Variants in CLSPN observed in about 807,000 individuals in gnomAD.
CLSPN encodes claspin homolog.
CLSPN carries 85 observed loss-of-function variants against 156.3 expected under a neutral mutation model. The ratio of observed to expected loss-of-function variants is 0.54; its 90% CI spans 0.46 to 0.65. The LOEUF (loss-of-function observed/expected upper bound fraction) is 0.65. Among genes scored for constraint, CLSPN ranks in the 30% least tolerant of loss-of-function variants. CLSPN has a pLI of 0.00. For synonymous variants in CLSPN, 534 were observed against 542.4 expected (o/e 0.98, Z 0.22); for missense variants, 1,407 against 1,554.9 (o/e 0.90, Z 1.60).
intron 3 of CLSPN, 76 bp from the exon 4 acceptor site, chr1:35,763,397 G>A (rs1014489869): frequency 2.0e-5 from 23 of 1,129,172 alleles, no homozygotes; most frequent in African/African-American, 3.2e-5. Context: ...ATGGCAATTT[G>A]GATCAGGCCA....
chr1:35,747,173 T>G (rs916826860), intron 14 of CLSPN, among the ~76,000 whole-genome samples, 181 bp from the exon 15 acceptor site: 1 of 151,894 alleles, frequency 6.6e-6, no homozygotes. Context: ...ATACAAAAAA[T>G]TAGCCGGGCG....
exon 25 of CLSPN, chr1:35,720,752 C>G (rs540785149): frequency 2.9e-4 from 160 of 546,544 alleles, no homozygotes; most frequent in African/African-American, 2.8e-3. Context: ...GGCCCAAATC[C>G]TCACTCCTAA....
chr1:35,732,149 C>A lies in CLSPN; in HGVS notation c.*4347G>T. 7.1e-6 allele frequency: 7 copies of A among 984,758 alleles called. No homozygotes were observed. Among genetic ancestry groups the A allele is most frequent in the Non-Finnish European group, 8.4e-6 (7 of 829,388 alleles). The allele number at this position is 984,758 out of a possible 1,614,324, so 61.0% of individuals were successfully genotyped here. A position where few individuals can be genotyped will look rare whatever the true frequency, so the allele number is the denominator to read the frequency against. Reference sequence around the variant, plus strand: ...TGTTATTTATTCAAACTGTGGTAGGCACCACTACATTCCAAGCTGTGTGCC... The same window carrying A: ...TGTTATTTATTCAAACTGTGGTAGGAACCACTACATTCCAAGCTGTGTGCC... On this transcript the variant is annotated 3_prime_UTR_variant, in exon 25 of 25. Coordinates refer to ENST00000318121, the MANE Select transcript of CLSPN (RefSeq NM_022111.4).
At chr1:35,753,984 CT>C in intron 8 of CLSPN, 48 bp from the exon 9 acceptor site, 1 of 1,575,604 alleles carries the variant, frequency 6.3e-7, no homozygotes, top group Non-Finnish European at 8.7e-7. Context: ...GCTCAAAACT[CT>C]TTCCTTTAAG....
chr1:35,757,795 T>G (rs550885355), intron 8 of CLSPN, among the ~76,000 whole-genome samples: 1 of 152,210 alleles, frequency 6.6e-6, no homozygotes, highest in Admixed American at 6.5e-5. Flanking sequence ...CTCTGCCACC[T>G]GAACCTCCAG....
chr1:35,730,847 G>A (rs1215517934), downstream of CLSPN, among the ~76,000 whole-genome samples: 2 of 152,060 alleles, frequency 1.3e-5, no homozygotes, highest in Non-Finnish European at 2.9e-5. Flanking sequence ...CGGGGCGACA[G>A]AGCGAGAATC....
chr1:35,730,983 C>T (rs1468156339), downstream of CLSPN, among the ~76,000 whole-genome samples: 4 of 152,124 alleles, frequency 2.6e-5, no homozygotes, highest in South Asian at 2.1e-4. Context: ...GGGCGGATCA[C>T]GAGGTCAAGA....
intron 21 of CLSPN, 115 bp from the exon 22 acceptor site, chr1:35,738,212 ATT>A: frequency 1.6e-6 from 1 of 639,938 alleles, no homozygotes; most frequent in South Asian, 4.1e-5. Context: ...TTCCTGGGGT[ATT>A]TGTTTTCCTT....
In CLSPN at chr1:35,748,343, CTTTA is replaced by C. The variant is rs1176648291; in HGVS notation, c.2472+58_2472+61del. ...GTGGGAGTTGGTTGGCTGGGACAAA[CTTTA>C]TTTAGCAATGTGGGAAGCAAAGAGA... On this transcript the variant is annotated intron_variant, in intron 13 of 24. Transcript: ENST00000318121. The C allele has an allele frequency of 3.3e-5, 50 of 1,510,272 alleles. No homozygotes were observed. The South Asian group carries it at 5.3e-4, about 16-fold the overall frequency. 93.6% of individuals were successfully genotyped at this position (1,510,272 alleles called of 1,614,324 possible).
chr1:35,761,422 TAC>T (rs1446629168), intron 6 of CLSPN, among the ~76,000 whole-genome samples: 2 of 152,174 alleles, frequency 1.3e-5, no homozygotes, highest in Admixed American at 1.3e-4. Flanking sequence ...TTTTTAGAAA[TAC>T]AGATTCTTGG....
chr1:35,748,891 A>G (rs1315490800), intron 12 of CLSPN: 7 of 380,136 alleles, frequency 1.8e-5, no homozygotes, highest in Admixed American at 1.2e-4. Flanking sequence ...AGTGGCGTGA[A>G]TTCGGCTCAC....
In CLSPN at chr1:35,734,888, C is replaced by G; in HGVS notation, c.*1608G>C. The G allele has an allele frequency of 1.0e-6, 1 of 985,400 alleles. No individual in the cohort carries two copies. The highest frequency in any genetic ancestry group is 1.2e-6 in the Non-Finnish European group (1 of 829,924). The allele number at this position is 985,400 out of a possible 1,614,324, so 61.0% of individuals were successfully genotyped here. On this transcript the variant is annotated 3_prime_UTR_variant, in exon 25 of 25. Transcript: ENST00000318121. ...ATGTTTTTCCAAAGCAGCACTGATG[C>G]TCAGTTCTGAGGGGAAAAACATTTG...
intron 14 of CLSPN, 26 bp downstream of exon 14, chr1:35,747,881 G>T (rs370062261): frequency 4.4e-6 from 7 of 1,605,076 alleles, no homozygotes; most frequent in Admixed American, 1.7e-5. Context: ...CACCATTCCC[G>T]CCCACAGAAA....
intron 9 of CLSPN, among the ~76,000 whole-genome samples, chr1:35,753,466 T>C (rs1642162553): frequency 6.6e-6 from 1 of 152,150 alleles, no homozygotes; most frequent in African/African-American, 2.4e-5. Flanking sequence ...TTATAGAACC[T>C]GTCTCTGATA....
rs1557507851 is a variant in CLSPN, at chr1:35,745,521, T to C, written c.2896A>G (p.Lys966Glu). The C allele has an allele frequency of 6.2e-6, 10 of 1,614,040 alleles. No individual in the cohort carries two copies. The highest frequency in any genetic ancestry group is 8.5e-6 in the Non-Finnish European group (10 of 1,179,950). The change falls in exon 16 of 25, where the codon AAG (lysine) becomes GAG (glutamate). Residue 966 changes from lysine to glutamate, a missense_variant. Lys to Glu is a moderately conservative substitution (Grantham distance 56, BLOSUM62 1). This residue lies in a region of CLSPN where 1,096 missense variants were observed against 1,193.0 expected (regional missense o/e 0.92). Transcript: ENST00000318121. The stretch of plus-strand genomic sequence containing the variant: ...ATTGGATCACCCATGCTGCTCTCCT[T>C]CTCCTGTTTATTTAACTCTGATGAG... ...PASSELNKQE[K>E]ESSMGDPMEE...
At chr1:35,749,023 C>T (rs1316282260) in intron 12 of CLSPN, among the ~76,000 whole-genome samples, 1 of 151,932 alleles carries the variant, frequency 6.6e-6, no homozygotes, top group Non-Finnish European at 1.5e-5. Context: ...GACAGGGTTT[C>T]ACCATGTTAG....
In CLSPN at chr1:35,760,514, C is replaced by T; in HGVS notation, c.1407G>A (p.Glu469=). 1 of 1,614,230 alleles carries T rather than the reference C, an allele frequency of 6.2e-7. No individual in the cohort carries two copies. ...EGPQNPEETD[E]KVEEPEQQNK... is the part of the protein sequence containing the mutation. The stretch of plus-strand genomic sequence containing the variant: ...TTTGCTGCTCAGGCTCTTCCACTTT[C>T]TCATCTGTTTCTTCTGGATTTTGGG... Residue 469 remains glutamate, a synonymous_variant, in exon 8 of 25, where the codon GAG becomes GAA. Coordinates refer to ENST00000318121, the MANE Select transcript of CLSPN (RefSeq NM_022111.4).
rs1641454176 is a variant in CLSPN, at chr1:35,735,960, A to G, written c.*536T>C. ...CAAGGCCAGGTGCAGTGACTCATGC[A>G]TGTGACCAGCACTTTGTGGGGCCGA... On this transcript the variant is annotated 3_prime_UTR_variant, in exon 25 of 25. Transcript: ENST00000318121. 2 of 983,642 alleles carry G rather than the reference A, an allele frequency of 2.0e-6. No individual in the cohort carries two copies. The highest frequency in any genetic ancestry group is 2.4e-6 in the Non-Finnish European group (2 of 828,410). 60.9% of individuals were successfully genotyped at this position (983,642 alleles called of 1,614,324 possible).
In CLSPN at chr1:35,738,082, T is replaced by G; in HGVS notation, c.3574A>C (p.Ile1192Leu). The G allele has an allele frequency of 7.1e-7, 1 of 1,402,740 alleles. No individual in the cohort carries two copies. Among genetic ancestry groups the G allele is most frequent in the Non-Finnish European group, 9.4e-7 (1 of 1,059,178 alleles). 86.9% of individuals were successfully genotyped at this position (1,402,740 alleles called of 1,614,324 possible). Reference protein sequence around the residue: ...WLRDMAQQGKITAEEEEEIGE... With the variant: ...WLRDMAQQGKLTAEEEEEIGE... ...ATTTCTTCTTCTTCTTCAGCTGTAA[T>G]TTTCCCCTGCTGTGCCTGAAAAAAA... The change falls in exon 22 of 25, where the codon ATT becomes CTT. Residue 1192 changes from isoleucine (I) to leucine (L), a missense_variant. Ile to Leu is a conservative substitution (Grantham distance 5). Transcript: ENST00000318121.
Sources: gnomAD v4.1 joint callset for allele counts (sites outside exome capture counted in the v4.1 genomes callset) on GRCh38, gnomAD v4.1.1 for gene constraint, gnomAD v4.1.1 regional missense constraint, MANE v1.5 for transcripts, NCBI Gene and HGNC (gene_info 2026-07-23, HGNC 2026-07-21) for gene names.